Variants in ENOX1 observed in about 807,000 individuals in gnomAD.
ENOX1 encodes the protein candidate growth-related and time keeping constitutive hydroquinone (NADH) oxidase.
ENOX1 carries 42 observed loss-of-function variants against 82.5 expected under a neutral mutation model. That is an observed-to-expected ratio of 0.51 (90% CI 0.40 to 0.66). The LOEUF (loss-of-function observed/expected upper bound fraction) is 0.66, where lower values mean the gene tolerates loss of function less well. ENOX1 is among the 30% of genes least tolerant of loss of function. The pLI, the probability that ENOX1 is intolerant of heterozygous loss-of-function variation, is 0.00. For synonymous variants in ENOX1, 271 were observed against 282.2 expected, an observed-to-expected ratio of 0.96 and a Z score of 0.40; for missense variants, 608 against 811.6, an observed-to-expected ratio of 0.75 and a Z score of 3.05.
intron 15 of ENOX1, 45 bp from the exon 16 acceptor site, chr13:43,224,183 A>G: frequency 1.4e-6 from 2 of 1,477,424 alleles, no homozygotes; most frequent in Admixed American, 3.4e-5. Context: ...AAGGCATATG[A>G]GAGTCTCTGG....
intron 2 of ENOX1, among the ~76,000 whole-genome samples, chr13:43,501,856 C>T (rs1257901087): frequency 6.9e-6 from 1 of 145,212 alleles, no homozygotes; most frequent in East Asian, 2.0e-4. Flanking sequence ...AAAGAACAAA[C>T]CAGGCCAAAA....
At position 43,579,219 on chromosome 13, in the gene ENOX1, T is replaced by C. The variant is rs947847089; in HGVS notation, c.-219+88260A>G. On this transcript the variant is annotated intron_variant, in intron 2 of 16. Coordinates refer to ENST00000690772, the MANE Select transcript of ENOX1 (RefSeq NM_001347969.2). ...TGAAGTAGTAAATGAGGAAGAATGG[T>C]GGCTTAACAAAATGTGGGATTTTCT... Among the ~76,000 whole-genome samples the C allele has an allele frequency of 5.9e-5, 9 of 152,300 alleles. No individual in the cohort carries two copies. The East Asian group carries it at 1.5e-3, about 26-fold the overall frequency.
At chr13:43,340,237 TG>T (rs1160154153) in intron 9 of ENOX1, among the ~76,000 whole-genome samples, 4 of 152,248 alleles carry the variant, frequency 2.6e-5, no homozygotes, top group African/African-American at 7.2e-5. Flanking sequence ...GTTCTGAGGT[TG>T]CTCAATGAGA....
intron 2 of ENOX1, among the ~76,000 whole-genome samples, chr13:43,553,937 C>A (rs769386689): frequency 6.6e-6 from 1 of 152,022 alleles, no homozygotes; most frequent in African/African-American, 2.4e-5. Context: ...TTAGTAGAGA[C>A]GGGATTTTGC....
At chr13:43,257,617 T>G (rs2043823938) in intron 14 of ENOX1, among the ~76,000 whole-genome samples, 1 of 152,290 alleles carries the variant, frequency 6.6e-6, no homozygotes, top group Non-Finnish European at 1.5e-5. Flanking sequence ...AGATGGCAAA[T>G]GGTTATCTTT....
rs369569361 is a variant in ENOX1 at position 43,670,110 on chromosome 13, A to C, written c.-284-2566T>G. Among the ~76,000 whole-genome samples, 38 of 152,328 alleles carry C rather than the reference A, an allele frequency of 2.5e-4. 1 individual carries two copies. In the South Asian group the frequency reaches 7.7e-3, roughly 31 times the overall value. ...GATAAATGACAAGGCAGGAATTAAC[A>C]GAGTGCTTCTTTACAACGACACAGA... On this transcript the variant is annotated intron_variant, in intron 1 of 16. Transcript: ENST00000690772.
rs766425706 is a variant in ENOX1 at position 43,757,647 on chromosome 13, TAAA to T, written c.-285+29002_-285+29004del. Among the ~76,000 whole-genome samples the T allele has an allele frequency of 1.5e-4, 23 of 152,170 alleles. 1 individual carries two copies. The highest frequency in any genetic ancestry group is 2.8e-4 in the Non-Finnish European group (19 of 67,996). On this transcript the variant is annotated intron_variant, in intron 1 of 16. Coordinates refer to ENST00000690772, the MANE Select transcript of ENOX1 (RefSeq NM_001347969.2). ...TACACACCTATCAGAGTGGCTAAAA[TAAA>T]AAATGACAACACCAAATGTTGGTCA... is the stretch of plus-strand genomic sequence containing the variant.
At chr13:43,694,670 G>C (rs2086545322) in intron 1 of ENOX1, among the ~76,000 whole-genome samples, 1 of 152,144 alleles carries the variant, frequency 6.6e-6, no homozygotes, top group South Asian at 2.1e-4. Flanking sequence ...GTAGAAGTAG[G>C]CAAAATTTTA....
At chr13:43,652,811 G>A (rs1041485218) in intron 2 of ENOX1, among the ~76,000 whole-genome samples, 11 of 152,210 alleles carry the variant, frequency 7.2e-5, no homozygotes, top group South Asian at 2.1e-4. Flanking sequence ...CCGGAATGCC[G>A]GTGATGAGCA....
Position 43,325,787 on chromosome 13 carries a change from A to G in ENOX1, c.1143+632T>C, listed in dbSNP as rs375797183. ...TGGAGTTAAAAATAACAGCTGGACG[A>G]CCAGTGACTAATGACACATTTTGGT... On this transcript the variant is annotated intron_variant, in intron 10 of 16. Coordinates refer to ENST00000690772, the MANE Select transcript of ENOX1 (RefSeq NM_001347969.2). 1.2e-4 allele frequency among the ~76,000 whole-genome samples: 19 copies of G among 152,332 alleles called. No individual in the cohort carries two copies. In the East Asian group the frequency reaches 3.7e-3, roughly 29 times the overall value.
At chr13:43,493,468 G>C (rs1222625356) in intron 2 of ENOX1, among the ~76,000 whole-genome samples, 5 of 152,212 alleles carry the variant, frequency 3.3e-5, no homozygotes, top group African/African-American at 1.2e-4. Context: ...AAGGACAACA[G>C]AGTCTGGACT....
intron 2 of ENOX1, among the ~76,000 whole-genome samples, chr13:43,485,485 G>T (rs1296556206): frequency 2.0e-5 from 3 of 152,116 alleles, no homozygotes; most frequent in African/African-American, 7.2e-5. Flanking sequence ...TAGTTTATTG[G>T]ATTTTTGGCC....
chr13:43,260,153 T>C (rs1183596896), intron 14 of ENOX1, among the ~76,000 whole-genome samples: 1 of 152,236 alleles, frequency 6.6e-6, no homozygotes, highest in Non-Finnish European at 1.5e-5. Context: ...TGTACTAAAC[T>C]TGAAGAATGT....
Position 43,694,277 on chromosome 13 carries a change from T to C in ENOX1, c.-284-26733A>G, listed in dbSNP as rs1001654227. On this transcript the variant is annotated intron_variant, in intron 1 of 16. Transcript: ENST00000690772. ...ACTAATTTGTTATTGAGCTAGTCTGTGCTAGAACAAAATCAGTCTTAACAA... is the reference window on the plus strand; with the variant it reads ...ACTAATTTGTTATTGAGCTAGTCTGCGCTAGAACAAAATCAGTCTTAACAA... Among the ~76,000 whole-genome samples, 6 of 151,006 alleles carry C rather than the reference T, an allele frequency of 4.0e-5. No individual in the cohort carries two copies. The South Asian group carries it at 1.3e-3, about 32-fold the overall frequency.
chr13:43,541,179 T>TTTTTTTTTTGTTTG (rs1566486197), intron 2 of ENOX1, among the ~76,000 whole-genome samples: 3 of 37,274 alleles, frequency 8.0e-5, no homozygotes, highest in African/African-American at 3.1e-4. Flanking sequence ...CTCTGTTTTT[T>TTTTTTTTTTGTTTG]TTTTTTTTTT....
At chr13:43,564,453 A>G (rs1405108215) in intron 2 of ENOX1, among the ~76,000 whole-genome samples, 1 of 152,128 alleles carries the variant, frequency 6.6e-6, no homozygotes, top group Non-Finnish European at 1.5e-5. Flanking sequence ...AGAAAAAAGA[A>G]ATGCAATGAG....
chr13:43,535,385 C>T (rs537267330), intron 2 of ENOX1, among the ~76,000 whole-genome samples: 21 of 152,276 alleles, frequency 1.4e-4, no homozygotes, highest in African/African-American at 4.8e-4. Context: ...GTAGCAAGAT[C>T]CATCTTTTCA....
At chr13:43,511,259 C>T (rs967768529) in intron 2 of ENOX1, among the ~76,000 whole-genome samples, 2 of 152,228 alleles carry the variant, frequency 1.3e-5, no homozygotes, top group South Asian at 4.1e-4. Context: ...TTAAAAGTTA[C>T]TTGGACATGA....
chr13:43,499,913 A>G (rs2076922282), intron 2 of ENOX1, among the ~76,000 whole-genome samples: 1 of 152,050 alleles, frequency 6.6e-6, no homozygotes, highest in African/African-American at 2.4e-5. Context: ...ACCAAATAGA[A>G]ATTCTGGAGC....
Sources: gnomAD v4.1 joint callset for allele counts (sites outside exome capture counted in the v4.1 genomes callset) on GRCh38, gnomAD v4.1.1 for gene constraint, MANE v1.5 for transcripts, NCBI Gene and HGNC (gene_info 2026-07-23, HGNC 2026-07-21) for gene names.